The following MTA3 variants were observed in gnomAD, a reference collection of about 807,000 sequenced individuals.
MTA3 encodes the protein metastasis-associated protein MTA3.
MTA3 carries 34 observed loss-of-function variants against 83.5 expected under a neutral mutation model. The observed-to-expected ratio is 0.41, with a 90% CI of 0.31 to 0.54. MTA3 has a LOEUF of 0.54. Ranked by LOEUF, MTA3 falls within the 20% of genes least tolerant of loss-of-function variation. The pLI, the probability that MTA3 is intolerant of heterozygous loss-of-function variation, is 0.33. For missense variants in MTA3, 761 were observed against 726.4 expected (o/e 1.05, Z -0.55); for synonymous variants, 303 against 252.7 (o/e 1.20, Z -1.89).
intron 4 of MTA3, among the ~76,000 whole-genome samples, chr2:42,609,878 C>T (rs7597994): frequency 0.76 from 116,291 of 152,044 alleles, 45,004 homozygotes; most frequent in South Asian, 0.88. Context: ...GCGGGCGTAT[C>T]ATTTGAGGTC....
At chr2:42,660,726 T>A (rs953886044) in intron 8 of MTA3, among the ~76,000 whole-genome samples, 2 of 152,272 alleles carry the variant, frequency 1.3e-5, no homozygotes, top group African/African-American at 2.4e-5. Context: ...GTTTCAATAT[T>A]GTTTTCTAAT....
intron 16 of MTA3, chr2:42,752,343 G>A (rs1276022128): frequency 2.1e-6 from 1 of 467,556 alleles, no homozygotes; most frequent in East Asian, 7.0e-5. Context: ...GCAGCAGGGT[G>A]ATGTGCCTGG....
rs1286039422 is a variant in MTA3 at position 42,690,355 on chromosome 2, GTCTCTTTA to G, written c.892-5406_892-5399del. On this transcript the variant is annotated intron_variant, in intron 9 of 16. Coordinates refer to ENST00000405094, the MANE Select transcript of MTA3 (RefSeq NM_001330442.2). ...TTTTCTTTTTCAGTACTGTAAAGCT[GTCTCTTTA>G]TCTGATGTACCTAGTTTCTGATGAG... 2.0e-5 allele frequency among the ~76,000 whole-genome samples: 3 copies of G among 152,202 alleles called. No individual in the cohort carries two copies. The East Asian group carries it at 5.8e-4, about 29-fold the overall frequency.
intron 4 of MTA3, among the ~76,000 whole-genome samples, chr2:42,624,715 C>G (rs1024640249): frequency 7.9e-5 from 12 of 152,138 alleles, no homozygotes; most frequent in African/African-American, 2.4e-4. Flanking sequence ...TTGTAACTTC[C>G]TATACTATTC....
Position 42,573,245 on chromosome 2 carries a change from T to G in MTA3, c.96+2741T>G, listed in dbSNP as rs374449040. Among the ~76,000 whole-genome samples the G allele has an allele frequency of 3.3e-5, 5 of 152,240 alleles. No individual in the cohort carries two copies. In the East Asian group the frequency reaches 7.7e-4, roughly 23 times the overall value. ...TGCCATCTGGTAACTTGTTCAGTTT[T>G]GTCTTGAGAAGGCAAGCCTGACCTA... On this transcript the variant is annotated intron_variant, in intron 2 of 16. Transcript: ENST00000405094.
chr2:42,532,229 G>T (rs1014270398), intron 2 of MTA3, among the ~76,000 whole-genome samples: 13 of 152,244 alleles, frequency 8.5e-5, no homozygotes, highest in Admixed American at 2.0e-4. Flanking sequence ...ATCTGGCCTA[G>T]GCCGTGTGCA....
At chr2:42,520,131 T>C (rs1675353298) in intron 2 of MTA3, among the ~76,000 whole-genome samples, 1 of 152,136 alleles carries the variant, frequency 6.6e-6, no homozygotes, top group Admixed American at 6.6e-5. Context: ...GAATGGTAAA[T>C]GTCCTAGAGC....
intron 3 of MTA3, chr2:42,581,890 T>C (rs6715736): frequency 0.76 from 133,730 of 176,096 alleles, 51,344 homozygotes; most frequent in Middle Eastern, 0.88. Flanking sequence ...CTCAGCCTCC[T>C]GAGTAGCTGG....
intron 2 of MTA3, among the ~76,000 whole-genome samples, chr2:42,560,592 A>AAC (rs368564576): frequency 0.019 from 2,903 of 149,388 alleles, 38 homozygotes; most frequent in Non-Finnish European, 0.028. Flanking sequence ...AAACAAACAA[A>AAC]ACACACACAC....
At chr2:42,577,106 ATATATATATATAT>A (rs1193040439) in intron 2 of MTA3, among the ~76,000 whole-genome samples, 1 of 65,168 alleles carries the variant, frequency 1.5e-5, no homozygotes, top group African/African-American at 6.8e-5. Flanking sequence ...AAAAAAAAAA[ATATATATATATAT>A]ATATATATAT....
chr2:42,546,852 G>T (rs1676780506), intron 2 of MTA3, among the ~76,000 whole-genome samples: 1 of 152,202 alleles, frequency 6.6e-6, no homozygotes, highest in African/African-American at 2.4e-5. Context: ...TGGGCAGACA[G>T]GAGGATGAAT....
At chr2:42,511,412 C>G (rs113910290) in intron 2 of MTA3, among the ~76,000 whole-genome samples, 8 of 151,544 alleles carry the variant, frequency 5.3e-5, no homozygotes, top group African/African-American at 1.5e-4. Flanking sequence ...CATGTTCTCA[C>G]AGGTTGCAAA....
intron 6 of MTA3, among the ~76,000 whole-genome samples, chr2:42,650,365 A>G (rs1688595055): frequency 6.6e-6 from 1 of 152,226 alleles, no homozygotes; most frequent in African/African-American, 2.4e-5. Context: ...AATACTATGT[A>G]CATTTTCAAA....
chr2:42,541,600 T>G (rs1194751618), intron 2 of MTA3, among the ~76,000 whole-genome samples: 1 of 152,210 alleles, frequency 6.6e-6, no homozygotes, highest in Admixed American at 6.5e-5. Flanking sequence ...GCTGTGACAC[T>G]GGGTAGATGA....
At chr2:42,524,683 C>T (rs1323866549) in intron 2 of MTA3, among the ~76,000 whole-genome samples, 5 of 151,874 alleles carry the variant, frequency 3.3e-5, no homozygotes, top group African/African-American at 1.2e-4. Flanking sequence ...TTGCTCTTCA[C>T]ATACCCTGGC....
At chr2:42,575,036 A>G (rs985836051) in intron 2 of MTA3, among the ~76,000 whole-genome samples, 1 of 152,354 alleles carries the variant, frequency 6.6e-6, no homozygotes, top group East Asian at 1.9e-4. Flanking sequence ...AGTTAATTAC[A>G]TCGAAATAGA....
chr2:42,550,042 G>A (rs1677044211), intron 2 of MTA3, among the ~76,000 whole-genome samples: 1 of 151,962 alleles, frequency 6.6e-6, no homozygotes, highest in Admixed American at 6.6e-5. Flanking sequence ...AATGGTGCTG[G>A]CAATTCAGAT....
chr2:42,666,447 C>T (rs1049567773), intron 8 of MTA3, among the ~76,000 whole-genome samples: 1 of 152,106 alleles, frequency 6.6e-6, no homozygotes, highest in Admixed American at 6.6e-5. Context: ...GCCCCTTTGC[C>T]CAAACAGTCC....
chr2:42,559,244 G>C (rs891044575), intron 2 of MTA3, among the ~76,000 whole-genome samples: 13 of 152,304 alleles, frequency 8.5e-5, no homozygotes, highest in African/African-American at 3.1e-4. Flanking sequence ...GCTCACGCCT[G>C]TAATCCCAGC....
Sources: allele counts gnomAD v4.1 joint callset (sites outside exome capture counted in the v4.1 genomes callset), GRCh38; gene constraint gnomAD v4.1.1; transcripts MANE v1.5; gene names NCBI Gene and HGNC (gene_info 2026-07-23, HGNC 2026-07-21).